KAZN: variants seen among roughly 807,000 people sequenced by gnomAD.
KAZN encodes the protein kazrin, periplakin interacting protein.
A neutral mutation model predicts 87.4 loss-of-function variants in KAZN; 40 were observed. That is an observed-to-expected ratio of 0.46 (90% CI 0.36 to 0.60). The LOEUF (loss-of-function observed/expected upper bound fraction) is 0.60, where lower values mean the gene tolerates loss of function less well. Ranked by LOEUF, KAZN falls within the 20% of genes least tolerant of loss-of-function variation. The probability of loss-of-function intolerance (pLI) is 0.00; values close to 1 mark genes in which losing one functional copy is unlikely to be tolerated. For synonymous variants in KAZN, 466 were observed against 458.3 expected (o/e 1.02, Z -0.22); for missense variants, 898 against 1,073.9 (o/e 0.84, Z 2.29).
Position 15,063,965 on chromosome 1 carries a change from C to T in KAZN, c.1098+343C>T, listed in dbSNP as rs139571292. Among the ~76,000 whole-genome samples the T allele has an allele frequency of 2.4e-3, 369 of 152,324 alleles. 3 individuals are homozygous for T. The South Asian group carries it at 0.037, about 15-fold the overall frequency. The stretch of plus-strand genomic sequence containing the variant: ...AGCCAGTCTCAGCACCTGGGCCCGC[C>T]TGGCCCTGTGCCCTGCAGGGCTGTG... On this transcript the variant is annotated intron_variant, in intron 7 of 14. Transcript: ENST00000376030.
chr1:14,087,108 A>G (rs1016497835), intron 1 of KAZN, among the ~76,000 whole-genome samples: 6 of 152,286 alleles, frequency 3.9e-5, no homozygotes, highest in African/African-American at 1.4e-4. Context: ...ATCATAGTGA[A>G]TCTTCTAGTC....
At chr1:14,957,822 G>A (rs1430982447) in intron 1 of KAZN, among the ~76,000 whole-genome samples, 1 of 152,244 alleles carries the variant, frequency 6.6e-6, no homozygotes, top group Non-Finnish European at 1.5e-5. Flanking sequence ...ATGCTAGGTG[G>A]GGCGGGGAGG....
chr1:14,891,392 G>A (rs1230894286), intron 1 of KAZN, among the ~76,000 whole-genome samples: 1 of 152,102 alleles, frequency 6.6e-6, no homozygotes, highest in African/African-American at 2.4e-5. Flanking sequence ...TCCCACTTAT[G>A]AGTGAGAACA....
At chr1:14,232,638 T>G (rs1266638743) in intron 2 of KAZN, among the ~76,000 whole-genome samples, 1 of 152,210 alleles carries the variant, frequency 6.6e-6, no homozygotes, top group Non-Finnish European at 1.5e-5. Context: ...TGCATAAAAC[T>G]AAAGCATTTC....
chr1:13,893,442 C>T, exon 1 of KAZN: 2 of 653,356 alleles, frequency 3.1e-6, no homozygotes, highest in Non-Finnish European at 5.0e-6. Flanking sequence ...TTTGCCAAGG[C>T]TTATAGGGTT....
chr1:14,967,364 C>T (rs1270813956), intron 2 of KAZN, among the ~76,000 whole-genome samples: 2 of 152,154 alleles, frequency 1.3e-5, no homozygotes, highest in South Asian at 2.1e-4. Context: ...GTCACTCTTC[C>T]GCCTGCTTCA....
At position 15,099,916 on chromosome 1, in the gene KAZN, GACGGGCTATC is replaced by G. The variant is rs1640979399; in HGVS notation, c.1548-1625_1548-1616del. 6.6e-6 allele frequency among the ~76,000 whole-genome samples: 1 copy of G among 152,164 alleles called. No homozygotes were observed. Among genetic ancestry groups the G allele is most frequent in the Admixed American group, 6.5e-5 (1 of 15,282 alleles). ...CTGACCAGAGTGACCGACAGACAAG[GACGGGCTATC>G]AGCTTGGGAGCTGGGTGACAGAGAA... On this transcript the variant is annotated intron_variant, in intron 10 of 14. Transcript: ENST00000376030. The surrounding 1 kb of genome is among the most constrained non-coding windows in gnomAD (Gnocchi z 5.4).
rs1329071704 is a variant in KAZN at position 15,110,501 on chromosome 1, G to A, written c.2049-1926G>A. On this transcript the variant is annotated intron_variant, in intron 13 of 14. Coordinates refer to ENST00000376030, the MANE Select transcript of KAZN (RefSeq NM_201628.3). ...TGTATTTGTGTGTGTATGTATGTGT[G>A]TGTATTTGTGTGTTTGTGTGTATGT... is the stretch of plus-strand genomic sequence containing the variant. Among the ~76,000 whole-genome samples, 20 of 20,332 alleles carry A rather than the reference G, an allele frequency of 9.8e-4. No homozygotes were observed. In the East Asian group the frequency reaches 0.028, roughly 29 times the overall value. The allele number at this position is 20,332 out of a possible 152,430, so 13.3% of individuals were successfully genotyped here.
chr1:14,933,664 CTG>C (rs1262381904), intron 1 of KAZN, among the ~76,000 whole-genome samples: 1 of 152,104 alleles, frequency 6.6e-6, no homozygotes, highest in Non-Finnish European at 1.5e-5. Context: ...CAAGGTTTCA[CTG>C]TGTTACCCAG....
intron 1 of KAZN, among the ~76,000 whole-genome samples, chr1:14,904,888 A>G (rs1416417384): frequency 6.6e-6 from 1 of 152,012 alleles, no homozygotes; most frequent in Non-Finnish European, 1.5e-5. Flanking sequence ...CCGCCTCCCA[A>G]GTAGCTGGAA....
At chr1:14,967,052 A>T (rs1664534006) in intron 2 of KAZN, among the ~76,000 whole-genome samples, 5 of 152,272 alleles carry the variant, frequency 3.3e-5, no homozygotes, top group Middle Eastern at 3.4e-3. Context: ...GGGACACCTG[A>T]TGTTGAGGCT....
intron 2 of KAZN, among the ~76,000 whole-genome samples, chr1:14,299,581 G>C (rs1026568407): frequency 6.6e-6 from 1 of 152,176 alleles, no homozygotes; most frequent in African/African-American, 2.4e-5. Context: ...GAATAATGCT[G>C]TATACGAACC....
At chr1:14,206,800 A>G (rs976404411) in intron 2 of KAZN, among the ~76,000 whole-genome samples, 4 of 151,792 alleles carry the variant, frequency 2.6e-5, no homozygotes, top group African/African-American at 9.7e-5. Flanking sequence ...TAGCTGTATA[A>G]TATGCCATAA....
At chr1:14,860,260 C>T (rs1476525777) in intron 1 of KAZN, among the ~76,000 whole-genome samples, 1 of 152,030 alleles carries the variant, frequency 6.6e-6, no homozygotes, top group Non-Finnish European at 1.5e-5. Context: ...GGCGTGATCT[C>T]AGTTCACTGC....
In KAZN at chr1:14,256,002, T is replaced by C. The variant is rs1650480950; in HGVS notation, c.249+75410T>C. On this transcript the variant is annotated intron_variant, in intron 2 of 16. Transcript: ENST00000636203. ...TTTGATTTCCCTTTTCTTTTGTAAA[T>C]TGGAGACTCTCTGTCGCAGCTTCTC... is the stretch of plus-strand genomic sequence containing the variant. Among the ~76,000 whole-genome samples the C allele has an allele frequency of 2.0e-5, 3 of 152,178 alleles. No individual in the cohort carries two copies. In the South Asian group the frequency reaches 6.2e-4, roughly 32 times the overall value.
chr1:14,435,527 T>C (rs74059505), intron 2 of KAZN, among the ~76,000 whole-genome samples: 34 of 152,274 alleles, frequency 2.2e-4, no homozygotes, highest in African/African-American at 8.2e-4. Context: ...GATGTCCTGC[T>C]CCTTGATGGA....
At position 14,683,592 on chromosome 1, in the gene KAZN, C is replaced by T. The variant is rs149212817; in HGVS notation, c.226+84369C>T. On this transcript the variant is annotated intron_variant, in intron 1 of 14. Transcript: ENST00000376030. Reference sequence around the variant, plus strand: ...ATAAATGATAAATGGATGCACATTGCGTGTCACTTATTCACGACCCATTTA... The same window carrying T: ...ATAAATGATAAATGGATGCACATTGTGTGTCACTTATTCACGACCCATTTA... 2.6e-4 allele frequency among the ~76,000 whole-genome samples: 39 copies of T among 152,302 alleles called. No homozygotes were observed. In the East Asian group the frequency reaches 4.4e-3, roughly 17 times the overall value.
rs1653695052 is a variant in KAZN at position 14,883,415 on chromosome 1, G to GAAAGAAAGAA, written c.227-77266_227-77257dup. Among the ~76,000 whole-genome samples the GAAAGAAAGAA allele has an allele frequency of 3.4e-5, 5 of 146,348 alleles. 1 individual carries two copies. Among genetic ancestry groups the GAAAGAAAGAA allele is most frequent in the African/African-American group, 8.0e-5 (3 of 37,714 alleles). ...AGAAAGAAAGAAAGAAAGAAAGAAAGAAAGAAAGAAAAGCGGTTCTTGAGC... is the reference window on the plus strand; with the variant it reads ...AGAAAGAAAGAAAGAAAGAAAGAAAGAAAGAAAGAAAAAGAAAGAAAAGCGGTTCTTGAGC... On this transcript the variant is annotated intron_variant, in intron 1 of 14. Transcript: ENST00000376030.
At chr1:14,319,108 G>A (rs1305604849) in intron 2 of KAZN, among the ~76,000 whole-genome samples, 1 of 149,846 alleles carries the variant, frequency 6.7e-6, no homozygotes, top group Non-Finnish European at 1.5e-5. Flanking sequence ...GGCCTGTCAG[G>A]TAATTTTTTA....
Sources: gnomAD v4.1 joint callset for allele counts (sites outside exome capture counted in the v4.1 genomes callset) on GRCh38, gnomAD v4.1.1 for gene constraint, Gnocchi (gnomAD v3.1) non-coding constraint, MANE v1.5 for transcripts, NCBI Gene and HGNC (gene_info 2026-07-23, HGNC 2026-07-21) for gene names.